Variants in PTPRD observed in about 807,000 individuals in gnomAD.
PTPRD encodes the protein receptor-type tyrosine-protein phosphatase delta.
PTPRD carries 34 observed loss-of-function variants against 214.5 expected under a neutral mutation model. The ratio of observed to expected loss-of-function variants is 0.16; its 90% CI spans 0.12 to 0.21. PTPRD has a LOEUF of 0.21. Ranked by LOEUF, PTPRD falls within the 10% of genes least tolerant of loss-of-function variation. The pLI, the probability that PTPRD is intolerant of heterozygous loss-of-function variation, is 1.00. For synonymous variants in PTPRD, 1,128 were observed against 845.7 expected, an observed-to-expected ratio of 1.33 and a Z score of -5.79; for missense variants, 2,545 against 2,398.7, an observed-to-expected ratio of 1.06 and a Z score of -1.27.
At chr9:10,555,141 T>C (rs952690083) in intron 2 of PTPRD, among the ~76,000 whole-genome samples, 1 of 152,196 alleles carries the variant, frequency 6.6e-6, no homozygotes, top group African/African-American at 2.4e-5. Context: ...ACCTTTAAAC[T>C]ACTGTCAGAA....
chr9:9,459,038 T>C (rs985143404), intron 8 of PTPRD, among the ~76,000 whole-genome samples: 2 of 152,006 alleles, frequency 1.3e-5, no homozygotes, highest in African/African-American at 4.8e-5. Flanking sequence ...AGCCAGGACC[T>C]ATCAGAGAGC....
chr9:10,512,032 A>ATG (rs1246943106), intron 2 of PTPRD, among the ~76,000 whole-genome samples: 3 of 15,212 alleles, frequency 2.0e-4, no homozygotes, highest in South Asian at 2.4e-3. Flanking sequence ...ATATATATGT[A>ATG]TATATATATA....
intron 12 of PTPRD, among the ~76,000 whole-genome samples, chr9:8,720,671 A>G (rs76035535): frequency 0.014 from 2,183 of 151,300 alleles, 51 homozygotes; most frequent in African/African-American, 0.05. Flanking sequence ...GAAATCAAAA[A>G]TTTCCAAATT....
rs1306636284 is a variant in PTPRD at position 9,121,980 on chromosome 9, G to C, written c.-143+61324C>G. Among the ~76,000 whole-genome samples the C allele has an allele frequency of 5.3e-5, 8 of 152,102 alleles. No homozygotes were observed. The East Asian group carries it at 1.3e-3, about 26-fold the overall frequency. ...AAGTTTAATGAGCATCAAGATATTT[G>C]CTATCACTATTTATTTAATGTTCCC... On this transcript the variant is annotated intron_variant, in intron 10 of 45. Transcript: ENST00000381196.
intron 2 of PTPRD, among the ~76,000 whole-genome samples, chr9:10,472,594 T>C (rs1407553354): frequency 6.6e-6 from 1 of 152,110 alleles, no homozygotes; most frequent in Non-Finnish European, 1.5e-5. Context: ...TTGAGCATCT[T>C]CACAATGTTT....
At chr9:10,017,687 G>C (rs10511529) in intron 4 of PTPRD, among the ~76,000 whole-genome samples, 65,126 of 151,692 alleles carry the variant, frequency 0.43, 16,533 homozygotes, top group Middle Eastern at 0.61. Context: ...CTTTTCTCTG[G>C]CAATCGCATC....
At chr9:9,572,443 A>G (rs1419978865) in intron 8 of PTPRD, among the ~76,000 whole-genome samples, 1 of 151,188 alleles carries the variant, frequency 6.6e-6, no homozygotes, top group Non-Finnish European at 1.5e-5. Context: ...GGACAATGTA[A>G]TCTGTGGCAA....
intron 3 of PTPRD, among the ~76,000 whole-genome samples, chr9:10,193,873 A>C (rs547238177): frequency 6.6e-6 from 1 of 152,274 alleles, no homozygotes; most frequent in African/African-American, 2.4e-5. Context: ...TTAAAAATTA[A>C]ATTAAGGAAA....
rs1266961344 is a variant in PTPRD, at chr9:9,285,062, C to A, written c.-202-101699G>T. ...TAGGCCTAAAAATAACATTCCATTT[C>A]ATTTCCCACCACCTAGTATGTAATA... On this transcript the variant is annotated intron_variant, in intron 9 of 45. Coordinates refer to ENST00000381196, the MANE Select transcript of PTPRD (RefSeq NM_002839.4). 2.6e-5 allele frequency among the ~76,000 whole-genome samples: 4 copies of A among 151,726 alleles called. No homozygotes were observed. The Admixed American group carries it at 2.6e-4, about 10-fold the overall frequency.
chr9:8,397,417 A>G (rs897521902), intron 36 of PTPRD, among the ~76,000 whole-genome samples: 1 of 152,218 alleles, frequency 6.6e-6, no homozygotes, highest in African/African-American at 2.4e-5. Flanking sequence ...CTAACATTCC[A>G]TTAGAAAATG....
intron 11 of PTPRD, among the ~76,000 whole-genome samples, chr9:9,017,960 C>T (rs544826718): frequency 2.6e-5 from 4 of 151,748 alleles, no homozygotes; most frequent in South Asian, 4.2e-4. Context: ...GTATTTGTTC[C>T]ACCTCTCTTT....
chr9:10,488,935 C>T (rs1292867938), intron 2 of PTPRD, among the ~76,000 whole-genome samples: 1 of 152,136 alleles, frequency 6.6e-6, no homozygotes. Flanking sequence ...CAAGTGTCCG[C>T]TTGGTGCTCT....
intron 7 of PTPRD, among the ~76,000 whole-genome samples, chr9:9,645,612 A>T (rs539784871): frequency 1.3e-5 from 2 of 151,990 alleles, no homozygotes; most frequent in Non-Finnish European, 2.9e-5. Flanking sequence ...GCTACAAAAC[A>T]AAAACATAAA....
At chr9:9,945,058 T>C (rs1411117748) in intron 4 of PTPRD, among the ~76,000 whole-genome samples, 2 of 152,214 alleles carry the variant, frequency 1.3e-5, no homozygotes, top group African/African-American at 2.4e-5. Context: ...TGTGAGCAGA[T>C]TTGATGTGGT....
At chr9:8,735,029 G>C (rs773053357) in intron 11 of PTPRD, among the ~76,000 whole-genome samples, 44 of 152,088 alleles carry the variant, frequency 2.9e-4, no homozygotes, top group Non-Finnish European at 4.7e-4. Flanking sequence ...GCATGCACGG[G>C]GCCCCCTGGA....
At chr9:10,033,323 G>C (rs776982590) in intron 4 of PTPRD, among the ~76,000 whole-genome samples, 2 of 151,756 alleles carry the variant, frequency 1.3e-5, no homozygotes, top group Non-Finnish European at 1.5e-5. Flanking sequence ...TATATAATAA[G>C]TATAGTGTAT....
At chr9:9,762,379 G>C (rs191489379) in intron 6 of PTPRD, among the ~76,000 whole-genome samples, 10 of 152,300 alleles carry the variant, frequency 6.6e-5, no homozygotes, top group African/African-American at 2.4e-4. Context: ...TCTCTTCAGA[G>C]TACGCTTGCT....
At chr9:10,091,512 T>C (rs1463156781) in intron 3 of PTPRD, among the ~76,000 whole-genome samples, 1 of 151,524 alleles carries the variant, frequency 6.6e-6, no homozygotes, top group African/African-American at 2.4e-5. Flanking sequence ...CTTCCTAAAA[T>C]AGAAATTTTA....
intron 8 of PTPRD, among the ~76,000 whole-genome samples, chr9:9,415,737 C>T (rs1587786230): frequency 6.6e-6 from 1 of 152,146 alleles, no homozygotes; most frequent in East Asian, 1.9e-4. Context: ...AGTTCTCAAT[C>T]TGTTCTTTAA....
Sources: gnomAD v4.1 joint callset for allele counts (sites outside exome capture counted in the v4.1 genomes callset) on GRCh38, gnomAD v4.1.1 for gene constraint, MANE v1.5 for transcripts, NCBI Gene and HGNC (gene_info 2026-07-23, HGNC 2026-07-21) for gene names.